The following CRAMP1 variants were observed in gnomAD, a reference collection of about 807,000 sequenced individuals.
The protein encoded by CRAMP1 is protein cramped-like.
In CRAMP1, 50 loss-of-function variants were observed where a neutral mutation model predicts 115.4. The observed-to-expected ratio is 0.43, with a 90% CI of 0.35 to 0.55. The LOEUF (loss-of-function observed/expected upper bound fraction) is 0.55, where lower values mean the gene tolerates loss of function less well. Ranked by LOEUF, CRAMP1 falls within the 20% of genes least tolerant of loss-of-function variation. CRAMP1 has a pLI of 0.01. For missense variants in CRAMP1, 1,679 were observed against 1,721.7 expected (o/e 0.98, Z 0.44); for synonymous variants, 866 against 745.4 (o/e 1.16, Z -2.64).
chr16:1,648,954 G>A (rs1361689623), intron 6 of CRAMP1, among the ~76,000 whole-genome samples: 1 of 152,118 alleles, frequency 6.6e-6, no homozygotes, highest in Admixed American at 6.5e-5. Context: ...AGCTACTTGG[G>A]ATGCTGAGGT....
At chr16:1,664,060 T>C (rs1466405367) in intron 13 of CRAMP1, among the ~76,000 whole-genome samples, 1 of 152,196 alleles carries the variant, frequency 6.6e-6, no homozygotes, top group Non-Finnish European at 1.5e-5. Flanking sequence ...TCCCTAGTAG[T>C]GCCTCCTCTC....
At chr16:1,658,230 C>G (rs535500785) in intron 10 of CRAMP1, among the ~76,000 whole-genome samples, 1 of 151,726 alleles carries the variant, frequency 6.6e-6, no homozygotes, top group Non-Finnish European at 1.5e-5. Context: ...GGAGACTGAG[C>G]CCAACCCTCA....
rs2036968357 is a variant in CRAMP1 at position 1,676,398 on chromosome 16, A to G, written c.*2353A>G. The stretch of plus-strand genomic sequence containing the variant: ...GTGATACGCATTTGCTTGCCACATT[A>G]AGGGAAAATGGTGTCATTTGTTGCA... On this transcript the variant is annotated 3_prime_UTR_variant, in exon 21 of 21. Transcript: ENST00000397412. 1 of 152,260 alleles carries G rather than the reference A, an allele frequency of 6.6e-6. No individual in the cohort carries two copies. Among genetic ancestry groups the G allele is most frequent in the South Asian group, 2.1e-4 (1 of 4,836 alleles). 9.4% of individuals were successfully genotyped at this position (152,260 alleles called of 1,614,324 possible).
chr16:1,619,093 G>A (rs901398892), intron 2 of CRAMP1, among the ~76,000 whole-genome samples: 3 of 152,224 alleles, frequency 2.0e-5, no homozygotes, highest in Admixed American at 6.5e-5. Context: ...TGATTGCAAA[G>A]TCAGAAATGT....
At chr16:1,660,192 TC>T in intron 11 of CRAMP1, 129 bp downstream of exon 11, 1 of 731,820 alleles carries the variant, frequency 1.4e-6, no homozygotes, top group Non-Finnish European at 2.1e-6. Flanking sequence ...CTCGCCACTA[TC>T]CAGATGACAG....
rs572386065 is a variant in CRAMP1, at chr16:1,620,517, A to G, written c.347-5456A>G. On this transcript the variant is annotated intron_variant, in intron 2 of 20. Transcript: ENST00000397412. ...GTGTTCTGTCACTCTTGATTTTACTATTCCTAACCCTCTGAAGGAAGTTCA... is the reference window on the plus strand; with the variant it reads ...GTGTTCTGTCACTCTTGATTTTACTGTTCCTAACCCTCTGAAGGAAGTTCA... 44 of 419,718 alleles carry G rather than the reference A, an allele frequency of 1.0e-4. 1 individual carries two copies. The East Asian group carries it at 1.8e-3, about 18-fold the overall frequency. The allele number at this position is 419,718 out of a possible 1,614,324, so 26.0% of individuals were successfully genotyped here.
At chr16:1,644,910 C>A (rs575661294) in intron 6 of CRAMP1, among the ~76,000 whole-genome samples, 3 of 149,472 alleles carry the variant, frequency 2.0e-5, no homozygotes, top group Non-Finnish European at 4.4e-5. Flanking sequence ...CCATGTTGCC[C>A]AGGCTGATCT....
intron 9 of CRAMP1, among the ~76,000 whole-genome samples, chr16:1,655,654 T>G (rs2036764583): frequency 6.6e-6 from 1 of 152,208 alleles, no homozygotes; most frequent in Non-Finnish European, 1.5e-5. Context: ...CCCTGCCTGC[T>G]CCCCACATAG....
At position 1,656,753 on chromosome 16, in the gene CRAMP1, G is replaced by A. The variant is rs776666101; in HGVS notation, c.1996G>A (p.Ala666Thr). Residue 666 changes from alanine (A) to threonine (T), a missense_variant, in exon 10 of 21, where the codon GCC (alanine) becomes ACC (threonine). Coordinates refer to ENST00000397412, the MANE Select transcript of CRAMP1 (RefSeq NM_020825.4). The surrounding 1 kb of genome is among the most constrained non-coding windows in gnomAD (Gnocchi z 5.6). Reference sequence around the variant, plus strand: ...CGCCAGGCCCCCGAAGGAGGTCCCCGCCAGCCGGCTGGCTCAGCAGCTCCG... The same window carrying A: ...CGCCAGGCCCCCGAAGGAGGTCCCCACCAGCCGGCTGGCTCAGCAGCTCCG... ...PAARPPKEVP[A>T]SRLAQQLREE... The A allele has an allele frequency of 8.7e-5, 134 of 1,548,198 alleles. No individual in the cohort carries two copies. The highest frequency in any genetic ancestry group is 1.0e-4 in the Non-Finnish European group (119 of 1,145,544).
At chr16:1,629,285 C>T (rs1202272469) in intron 3 of CRAMP1, among the ~76,000 whole-genome samples, 1 of 152,232 alleles carries the variant, frequency 6.6e-6, no homozygotes, top group Non-Finnish European at 1.5e-5. Flanking sequence ...CCTGTCTCTG[C>T]ACAGGCAGCC....
chr16:1,626,694 G>C (rs555946523), intron 3 of CRAMP1, among the ~76,000 whole-genome samples: 51 of 152,286 alleles, frequency 3.3e-4, no homozygotes, highest in African/African-American at 1.2e-3. Context: ...CTGCTGGCCA[G>C]TTTCACCTGC....
intron 1 of CRAMP1, among the ~76,000 whole-genome samples, chr16:1,613,475 G>C: frequency 6.6e-6 from 1 of 152,198 alleles, no homozygotes; most frequent in East Asian, 1.9e-4. Flanking sequence ...GTTCTCAACA[G>C]TTGAGTTGAA....
chr16:1,640,816 G>A (rs1050467564), intron 5 of CRAMP1, among the ~76,000 whole-genome samples: 1 of 152,200 alleles, frequency 6.6e-6, no homozygotes, highest in African/African-American at 2.4e-5. Flanking sequence ...AGGGATGAGT[G>A]GAAGGCCGGC....
At chr16:1,645,588 T>C (rs1428289832) in intron 6 of CRAMP1, among the ~76,000 whole-genome samples, 1 of 152,160 alleles carries the variant, frequency 6.6e-6, no homozygotes, top group Non-Finnish European at 1.5e-5. Flanking sequence ...GTGCCTTCTG[T>C]GGTTTTGGAC....
intron 3 of CRAMP1, among the ~76,000 whole-genome samples, chr16:1,631,280 G>A (rs891602119): frequency 3.3e-5 from 5 of 152,242 alleles, no homozygotes; most frequent in Non-Finnish European, 7.3e-5. Context: ...GGTCCACCAT[G>A]CCATTGTCGG....
At chr16:1,649,708 C>T (rs927367620) in intron 6 of CRAMP1, among the ~76,000 whole-genome samples, 1 of 151,064 alleles carries the variant, frequency 6.6e-6, no homozygotes, top group Non-Finnish European at 1.5e-5. Context: ...CCAGGATGGT[C>T]TCGAGCTCCT....
chr16:1,654,762 C>G (rs184723492), intron 8 of CRAMP1, among the ~76,000 whole-genome samples: 1 of 152,248 alleles, frequency 6.6e-6, no homozygotes, highest in African/African-American at 2.4e-5. Context: ...CAGAGGCCTC[C>G]GGGCCTGGCA....
At chr16:1,616,513 C>T (rs946584697) in intron 2 of CRAMP1, among the ~76,000 whole-genome samples, 1 of 152,212 alleles carries the variant, frequency 6.6e-6, no homozygotes, top group African/African-American at 2.4e-5. Flanking sequence ...GTGTACGTGG[C>T]TACTTGTATG....
At chr16:1,632,781 C>G (rs2036557404) in intron 4 of CRAMP1, among the ~76,000 whole-genome samples, 1 of 152,228 alleles carries the variant, frequency 6.6e-6, no homozygotes, top group South Asian at 2.1e-4. Flanking sequence ...CTTCCCAGGC[C>G]TCTCGCCCTC....
Sources: gnomAD v4.1 joint callset for allele counts (sites outside exome capture counted in the v4.1 genomes callset) on GRCh38, gnomAD v4.1.1 for gene constraint, Gnocchi (gnomAD v3.1) non-coding constraint, MANE v1.5 for transcripts, NCBI Gene and HGNC (gene_info 2026-07-23, HGNC 2026-07-21) for gene names.